The following ACAA2 variants were observed in gnomAD, a reference collection of about 807,000 sequenced individuals.
ACAA2 encodes the protein 3-ketoacyl-CoA thiolase, mitochondrial.
Under a neutral mutation model 44.8 loss-of-function variants are expected in ACAA2, and 35 were observed. That is an observed-to-expected ratio of 0.78 (90% CI 0.60 to 1.04). The LOEUF is 1.04. Among genes scored for constraint, ACAA2 ranks in the 50% least tolerant of loss-of-function variants. ACAA2 has a pLI of 0.00. For synonymous variants in ACAA2, 142 were observed against 166.5 expected (o/e 0.85, Z 1.13); for missense variants, 468 against 482.6 (o/e 0.97, Z 0.28).
intron 2 of ACAA2, among the ~76,000 whole-genome samples, chr18:49,802,003 T>A (rs952132237): frequency 6.6e-6 from 1 of 152,020 alleles, no homozygotes. Context: ...TAAGGAAGCA[T>A]CTTATTTCTT....
At chr18:49,802,940 A>G in intron 1 of ACAA2, 87 bp from the exon 2 acceptor site, 1 of 1,456,932 alleles carries the variant, frequency 6.9e-7, no homozygotes, top group East Asian at 2.3e-5. Context: ...GAAACCTTAC[A>G]CAATTTAAAA....
At chr18:49,796,398 T>C (rs1386465430) in intron 3 of ACAA2, among the ~76,000 whole-genome samples, 1 of 152,226 alleles carries the variant, frequency 6.6e-6, no homozygotes, top group Non-Finnish European at 1.5e-5. Flanking sequence ...TGAGCCTCTA[T>C]GAACCTGATG....
intron 7 of ACAA2, among the ~76,000 whole-genome samples, chr18:49,788,422 A>C (rs2023359171): frequency 6.6e-6 from 1 of 152,228 alleles, no homozygotes; most frequent in African/African-American, 2.4e-5. Context: ...CGTAGTTAAA[A>C]TACTCTTTGG....
chr18:49,788,147 A>T (rs1431446217), intron 7 of ACAA2, among the ~76,000 whole-genome samples: 2 of 152,238 alleles, frequency 1.3e-5, no homozygotes, highest in Non-Finnish European at 2.9e-5. Context: ...ATGTAATGAG[A>T]GTTTAATATT....
rs1021313115 is a variant in ACAA2, at chr18:49,782,199, T to C, written c.*1648A>G. ...AACATTGTTTTATTATGAGAAATTA[T>C]ACAGGGCTCTTACTTTTTAATATTT... On this transcript the variant is annotated 3_prime_UTR_variant, in exon 10 of 10. Transcript: ENST00000285093. 4 of 150,354 alleles carry C rather than the reference T, an allele frequency of 2.7e-5. No individual in the cohort carries two copies. Among genetic ancestry groups the C allele is most frequent in the African/African-American group, 1.0e-4 (4 of 40,198 alleles). 9.3% of individuals were successfully genotyped at this position (150,354 alleles called of 1,614,324 possible). A position where few individuals can be genotyped will look rare whatever the true frequency, so the allele number is the denominator to read the frequency against.
chr18:49,792,193 C>T lies in ACAA2; in HGVS notation c.712G>A (p.Val238Ile), dbSNP rs770834763. The stretch of plus-strand genomic sequence containing the variant: ...GTAACAGTTCCATCTTTCTTGAATA[C>T]TGGAGGAAGTTTCTGTAACTGTTCC... ...TLEQLQKLPP[V>I]FKKDGTVTAG... The change falls in exon 6 of 10, where the codon GTA becomes ATA. Residue 238 changes from valine (V) to isoleucine (I), a missense_variant. By Grantham distance (29) the Val-to-Ile change is conservative. Transcript: ENST00000285093. 29 of 1,613,870 alleles carry T rather than the reference C, an allele frequency of 1.8e-5. No homozygotes were observed. Among genetic ancestry groups the T allele is most frequent in the Non-Finnish European group, 2.3e-5 (27 of 1,179,926 alleles).
At chr18:49,795,063 G>A (rs1280776272) in intron 4 of ACAA2, among the ~76,000 whole-genome samples, 2 of 152,120 alleles carry the variant, frequency 1.3e-5, no homozygotes, top group African/African-American at 4.8e-5. Flanking sequence ...GTGTTTGGTG[G>A]CTAAAATCCG....
chr18:49,787,420 C>T (rs995566665), intron 7 of ACAA2, 59 bp from the exon 8 acceptor site: 248 of 1,181,284 alleles, frequency 2.1e-4, no homozygotes, highest in Non-Finnish European at 2.5e-4. Flanking sequence ...CTTATATTTA[C>T]GTATCAAGCT....
intron 2 of ACAA2, among the ~76,000 whole-genome samples, chr18:49,799,658 G>A (rs1022619736): frequency 3.3e-5 from 5 of 151,452 alleles, no homozygotes; most frequent in Non-Finnish European, 7.4e-5. Context: ...AGTGAGGAGC[G>A]TCTCTGCCTG....
intron 6 of ACAA2, among the ~76,000 whole-genome samples, 161 bp from the exon 7 acceptor site, chr18:49,791,760 A>AT (rs1298457650): frequency 6.6e-6 from 1 of 152,176 alleles, no homozygotes; most frequent in South Asian, 2.1e-4. Flanking sequence ...GATGAAGGAG[A>AT]TTTTTTAAGG....
intron 8 of ACAA2, 115 bp from the exon 9 acceptor site, chr18:49,785,466 C>T: frequency 7.2e-6 from 7 of 976,888 alleles, no homozygotes; most frequent in Non-Finnish European, 9.2e-6. Context: ...ATTTAAATTA[C>T]CTCGCAAAGT....
intron 9 of ACAA2, 61 bp downstream of exon 9, chr18:49,785,136 T>TA: frequency 6.3e-7 from 1 of 1,580,300 alleles, no homozygotes; most frequent in Non-Finnish European, 8.6e-7. Flanking sequence ...TGGGGAAGCC[T>TA]AAATCCATGC....
chr18:49,798,673 T>C (rs765848018), intron 2 of ACAA2, among the ~76,000 whole-genome samples: 1 of 152,202 alleles, frequency 6.6e-6, no homozygotes, highest in Non-Finnish European at 1.5e-5. Context: ...GGCACATTTA[T>C]AAGTTAAGGG....
At chr18:49,800,588 T>C (rs995920278) in intron 2 of ACAA2, among the ~76,000 whole-genome samples, 5 of 152,230 alleles carry the variant, frequency 3.3e-5, no homozygotes, top group Non-Finnish European at 7.3e-5. Flanking sequence ...TGTTGATCTG[T>C]GACCTTACCC....
chr18:49,802,937 T>G, intron 1 of ACAA2, 84 bp from the exon 2 acceptor site: 1 of 1,466,810 alleles, frequency 6.8e-7, no homozygotes, highest in Admixed American at 1.7e-5. Context: ...TGTGAAACCT[T>G]ACACAATTTA....
At chr18:49,784,055 G>C (rs865775675) in intron 9 of ACAA2, 124 bp from the exon 10 acceptor site, 10 of 779,962 alleles carry the variant, frequency 1.3e-5, no homozygotes, top group Middle Eastern at 2.4e-4. Flanking sequence ...CTTTTCCCCA[G>C]TCCTCAATTT....
chr18:49,789,547 C>T (rs1309357410), intron 7 of ACAA2, among the ~76,000 whole-genome samples: 1 of 152,174 alleles, frequency 6.6e-6, no homozygotes, highest in Admixed American at 6.5e-5. Context: ...GAAAACAACG[C>T]TTTCTTGGTT....
In ACAA2 at chr18:49,785,439, G is replaced by A. The variant is rs925602285; in HGVS notation, c.955-88C>T. The A allele has an allele frequency of 3.1e-6, 4 of 1,290,184 alleles. No homozygotes were observed. The African/African-American group carries it at 4.6e-5, about 15-fold the overall frequency. The allele number at this position is 1,290,184 out of a possible 1,614,324, so 79.9% of individuals were successfully genotyped here. On this transcript the variant is annotated intron_variant, in intron 8 of 9. Coordinates refer to ENST00000285093, the MANE Select transcript of ACAA2 (RefSeq NM_006111.3). ...ATGGTCCAGTCCTATCAACAGCTAA[G>A]TCTGCTGTTTCTTCCTATTTAAATT...
chr18:49,795,260 T>C (rs1164750892), intron 4 of ACAA2, among the ~76,000 whole-genome samples: 1 of 152,214 alleles, frequency 6.6e-6, no homozygotes, highest in Non-Finnish European at 1.5e-5. Flanking sequence ...TCTCAAGTTG[T>C]AGCTCTCAAA....
Sources: allele counts gnomAD v4.1 joint callset (sites outside exome capture counted in the v4.1 genomes callset), GRCh38; gene constraint gnomAD v4.1.1; transcripts MANE v1.5; gene names NCBI Gene and HGNC (gene_info 2026-07-23, HGNC 2026-07-21).